TMEM135: variants seen among roughly 807,000 people sequenced by gnomAD.
TMEM135 encodes peroxisomal membrane protein 52.
Under a neutral mutation model 60.3 loss-of-function variants are expected in TMEM135, and 30 were observed. That is an observed-to-expected ratio of 0.50 (90% CI 0.37 to 0.68). TMEM135 has a LOEUF of 0.68. Ranked by LOEUF, TMEM135 falls within the 30% of genes least tolerant of loss-of-function variation. The pLI, the probability that TMEM135 is intolerant of heterozygous loss-of-function variation, is 0.00. For synonymous variants in TMEM135, 190 were observed against 186.7 expected (o/e 1.02, Z -0.14); for missense variants, 468 against 548.8 (o/e 0.85, Z 1.47).
intron 4 of TMEM135, among the ~76,000 whole-genome samples, chr11:87,151,946 T>C (rs1331888264): frequency 6.6e-6 from 1 of 152,202 alleles, no homozygotes; most frequent in Non-Finnish European, 1.5e-5. Context: ...TAGGGAATCT[T>C]CTCTTAGTAT....
chr11:87,132,624 A>G (rs1256062855), intron 4 of TMEM135, among the ~76,000 whole-genome samples: 1 of 152,182 alleles, frequency 6.6e-6, no homozygotes, highest in East Asian at 1.9e-4. Context: ...TCAATATATG[A>G]CATTTGTCTG....
intron 6 of TMEM135, among the ~76,000 whole-genome samples, chr11:87,282,718 A>T (rs1328789365): frequency 1.3e-5 from 2 of 152,152 alleles, no homozygotes; most frequent in African/African-American, 4.8e-5. Context: ...GTAATATTTC[A>T]TCTTCACTGT....
chr11:87,087,817 A>G (rs1366912862), intron 3 of TMEM135, among the ~76,000 whole-genome samples: 3 of 151,954 alleles, frequency 2.0e-5, no homozygotes, highest in African/African-American at 7.3e-5. Context: ...GCCCACTGCA[A>G]CCTCTGCGTC....
intron 5 of TMEM135, among the ~76,000 whole-genome samples, chr11:87,158,339 G>T (rs1266048638): frequency 6.6e-6 from 1 of 152,082 alleles, no homozygotes. Flanking sequence ...AAACAGAATT[G>T]TATTACTTCA....
At chr11:87,201,149 C>A (rs1940086622) in intron 5 of TMEM135, among the ~76,000 whole-genome samples, 1 of 152,090 alleles carries the variant, frequency 6.6e-6, no homozygotes, top group Admixed American at 6.5e-5. Flanking sequence ...AGTTATATAA[C>A]TTTCCCAAGA....
At chr11:87,259,000 A>G (rs1591147156) in intron 6 of TMEM135, 5 of 1,525,236 alleles carry the variant, frequency 3.3e-6, no homozygotes, top group Non-Finnish European at 4.5e-6. Context: ...AACCAGGATC[A>G]TAAAGGAAGT....
intron 1 of TMEM135, among the ~76,000 whole-genome samples, chr11:87,043,742 CA>C (rs201673373): frequency 6.7e-6 from 1 of 149,664 alleles, no homozygotes; most frequent in African/African-American, 2.5e-5. Context: ...AACAAACAAA[CA>C]AAAAAAACTG....
chr11:87,135,526 C>G (rs957841274), intron 4 of TMEM135, among the ~76,000 whole-genome samples: 3 of 130,260 alleles, frequency 2.3e-5, no homozygotes, highest in African/African-American at 5.6e-5. Context: ...TACGTTTGCA[C>G]TATTGTTGAA....
At chr11:87,147,845 C>A (rs1938457364) in intron 4 of TMEM135, among the ~76,000 whole-genome samples, 1 of 151,998 alleles carries the variant, frequency 6.6e-6, no homozygotes, top group Admixed American at 6.6e-5. Context: ...GCAACCTCCA[C>A]CTCCTGGGTT....
rs535162752 is a variant in TMEM135 at position 87,087,894 on chromosome 11, G to A, written c.363-3468G>A. On this transcript the variant is annotated intron_variant, in intron 3 of 14. Coordinates refer to ENST00000305494, the MANE Select transcript of TMEM135 (RefSeq NM_022918.4). ...TGGGATTACAGGCATGCACCACCAC[G>A]CCCAGCTAATTTTTTGTATTTTTAG... is the stretch of plus-strand genomic sequence containing the variant. Among the ~76,000 whole-genome samples, 16 of 152,084 alleles carry A rather than the reference G, an allele frequency of 1.1e-4. No individual in the cohort carries two copies. The South Asian group carries it at 2.3e-3, about 22-fold the overall frequency.
intron 10 of TMEM135, among the ~76,000 whole-genome samples, chr11:87,312,985 T>C (rs1942667040): frequency 6.6e-6 from 1 of 151,910 alleles, no homozygotes; most frequent in African/African-American, 2.4e-5. Context: ...TCAGATCTGC[T>C]GGTGGTGGAT....
chr11:87,191,789 A>G (rs1462469734), intron 5 of TMEM135, among the ~76,000 whole-genome samples: 3 of 152,066 alleles, frequency 2.0e-5, no homozygotes, highest in African/African-American at 7.2e-5. Context: ...GATCAGTGTT[A>G]TATACTCACT....
intron 5 of TMEM135, among the ~76,000 whole-genome samples, chr11:87,160,426 G>A (rs765417483): frequency 9.2e-5 from 14 of 152,102 alleles, no homozygotes; most frequent in Non-Finnish European, 1.3e-4. Flanking sequence ...AAATTACACT[G>A]GTCATCTTAT....
intron 4 of TMEM135, among the ~76,000 whole-genome samples, chr11:87,112,830 A>G (rs1216878927): frequency 6.6e-6 from 1 of 152,162 alleles, no homozygotes; most frequent in Admixed American, 6.5e-5. Context: ...TCTTCCAATA[A>G]TGAATTACAT....
At chr11:87,295,017 A>T (rs1942325221) in intron 6 of TMEM135, among the ~76,000 whole-genome samples, 1 of 152,152 alleles carries the variant, frequency 6.6e-6, no homozygotes, top group Non-Finnish European at 1.5e-5. Context: ...TCCAGCCCCC[A>T]AATTCTGGAA....
intron 3 of TMEM135, among the ~76,000 whole-genome samples, chr11:87,087,991 G>A (rs546064042): frequency 1.3e-5 from 2 of 152,174 alleles, no homozygotes; most frequent in African/African-American, 4.8e-5. Flanking sequence ...GCCCTCCTTG[G>A]CCTCCTGAAG....
rs552798436 is a variant in TMEM135 at position 87,275,727 on chromosome 11, C to T, written c.510-20055C>T. Among the ~76,000 whole-genome samples, 5 of 152,210 alleles carry T rather than the reference C, an allele frequency of 3.3e-5. No homozygotes were observed. In the South Asian group the frequency reaches 6.2e-4, roughly 19 times the overall value. ...CCAGGCTGGAGTACAGTGGCGCGAT[C>T]TCAGCTCACTGCAAACTCCTCATCC... On this transcript the variant is annotated intron_variant, in intron 6 of 14. Transcript: ENST00000305494.
chr11:87,044,623 A>C (rs1005665127), intron 1 of TMEM135, among the ~76,000 whole-genome samples: 1 of 152,042 alleles, frequency 6.6e-6, no homozygotes, highest in Non-Finnish European at 1.5e-5. Context: ...ATAATTTCTT[A>C]TTATCTCTTT....
chr11:87,190,251 T>C (rs1372200061), intron 5 of TMEM135, among the ~76,000 whole-genome samples: 1 of 152,220 alleles, frequency 6.6e-6, no homozygotes, highest in Non-Finnish European at 1.5e-5. Flanking sequence ...TGTCACTGAC[T>C]ACTTCCACTT....
Sources: allele counts gnomAD v4.1 joint callset (sites outside exome capture counted in the v4.1 genomes callset), GRCh38; gene constraint gnomAD v4.1.1; transcripts MANE v1.5; gene names NCBI Gene and HGNC (gene_info 2026-07-23, HGNC 2026-07-21).